The following LARGE1 variants were observed in gnomAD, a reference collection of about 807,000 sequenced individuals.
LARGE1 encodes LARGE xylosyl- and glucuronyltransferase 1.
In LARGE1, 43 loss-of-function variants were observed where a neutral mutation model predicts 87.6. That is an observed-to-expected ratio of 0.49 (90% CI 0.38 to 0.63). The LOEUF is 0.63. LARGE1 is among the 30% of genes least tolerant of loss of function. The pLI is 0.00. For missense variants in LARGE1, 802 were observed against 1,000.2 expected (o/e 0.80, Z 2.67); for synonymous variants, 434 against 394.6 (o/e 1.10, Z -1.18).
In LARGE1 at chr22:33,780,806, C is replaced by G. The variant is rs539479378; in HGVS notation, c.-82-19248G>C. 9.2e-5 allele frequency among the ~76,000 whole-genome samples: 14 copies of G among 152,274 alleles called. No homozygotes were observed. The South Asian group carries it at 2.7e-3, about 29-fold the overall frequency. On this transcript the variant is annotated intron_variant, in intron 1 of 14. Coordinates refer to ENST00000397394, the MANE Select transcript of LARGE1 (RefSeq NM_133642.5). ...GAACTTTTAGCTAATGTTCTTGCAG[C>G]CTTCAAAGTTACAGAGTAAGTCTCA...
chr22:33,910,505 C>T (rs1214408105), intron 1 of LARGE1, among the ~76,000 whole-genome samples: 2 of 152,140 alleles, frequency 1.3e-5, no homozygotes, highest in African/African-American at 2.4e-5. Context: ...GAATGCTACC[C>T]AACACACTGT....
At chr22:33,245,568 TA>T (rs1286457312) in intron 11 of LARGE1, among the ~76,000 whole-genome samples, 9 of 152,150 alleles carry the variant, frequency 5.9e-5, no homozygotes, top group Non-Finnish European at 1.0e-4. Context: ...CCTTACAGTT[TA>T]AAAAAATGCC....
intron 5 of LARGE1, among the ~76,000 whole-genome samples, chr22:33,569,248 T>C (rs1285763486): frequency 6.6e-6 from 1 of 152,200 alleles, no homozygotes; most frequent in African/African-American, 2.4e-5. Context: ...TTGGTTACCA[T>C]CAAAGCAGGA....
rs1054645815 is a variant in LARGE1, at chr22:33,761,504, C to T, written c.-28G>A. On this transcript the variant is annotated 5_prime_UTR_variant, in exon 2 of 15. It introduces an in-frame stop codon into an upstream open reading frame of the 5' UTR. Transcript: ENST00000397394. Reference sequence around the variant, plus strand: ...TCTCAGAAGTGGCAATCCCTAATCCCAGCGCCGTTTCTCTGTCCGGAGCAT... The same window carrying T: ...TCTCAGAAGTGGCAATCCCTAATCCTAGCGCCGTTTCTCTGTCCGGAGCAT... 2 of 1,566,764 alleles carry T rather than the reference C, an allele frequency of 1.3e-6. No individual in the cohort carries two copies. The highest frequency in any genetic ancestry group is 1.1e-5 in the South Asian group (1 of 90,144).
Position 33,540,036 on chromosome 22 carries a change from G to A in LARGE1, c.787+24812C>T, listed in dbSNP as rs192607780. ...CACCACTGGCAGTGGCCTGGTGCAC[G>A]GGGGCCAGTCCCTTTTACCCTGTGG... On this transcript the variant is annotated intron_variant, in intron 6 of 14. Transcript: ENST00000397394. 1.6e-3 allele frequency among the ~76,000 whole-genome samples: 237 copies of A among 152,238 alleles called. 1 individual carries two copies. The highest frequency in any genetic ancestry group is 5.2e-3 in the African/African-American group (216 of 41,538).
At chr22:33,894,902 C>T (rs1024281274) in intron 1 of LARGE1, among the ~76,000 whole-genome samples, 1 of 152,110 alleles carries the variant, frequency 6.6e-6, no homozygotes, top group African/African-American at 2.4e-5. Flanking sequence ...CACATGGGAG[C>T]CAGTCCCGGA....
At chr22:33,832,091 T>C (rs1471909365) in intron 1 of LARGE1, among the ~76,000 whole-genome samples, 1 of 152,210 alleles carries the variant, frequency 6.6e-6, no homozygotes, top group Admixed American at 6.5e-5. Flanking sequence ...TGGAAGCCTC[T>C]AGTCAGTGGC....
chr22:33,493,333 G>C (rs1445961088), intron 6 of LARGE1, among the ~76,000 whole-genome samples: 1 of 151,784 alleles, frequency 6.6e-6, no homozygotes, highest in Non-Finnish European at 1.5e-5. Context: ...GCTAATTTTT[G>C]TATTTTTAGT....
At chr22:33,421,153 C>T (rs138219743) in intron 7 of LARGE1, among the ~76,000 whole-genome samples, 99 of 152,170 alleles carry the variant, frequency 6.5e-4, no homozygotes, top group African/African-American at 2.2e-3. Flanking sequence ...CACGCCACTG[C>T]ACTCCAGCCT....
At chr22:33,618,731 G>A (rs1045510543) in intron 4 of LARGE1, among the ~76,000 whole-genome samples, 4 of 152,312 alleles carry the variant, frequency 2.6e-5, no homozygotes, top group African/African-American at 9.6e-5. Flanking sequence ...TGCCTAGGCA[G>A]AAAGGAACAG....
intron 7 of LARGE1, among the ~76,000 whole-genome samples, chr22:33,425,029 G>A (rs1366438952): frequency 6.6e-6 from 1 of 151,844 alleles, no homozygotes; most frequent in Non-Finnish European, 1.5e-5. Context: ...TTTGGGAGGT[G>A]GAAACGGGTG....
At chr22:33,077,059 G>A in the LARGE1 span, among the ~76,000 whole-genome samples, 1 of 152,114 alleles carries the variant, frequency 6.6e-6, no homozygotes, top group Non-Finnish European at 1.5e-5. Context: ...TTGCTATGAG[G>A]ATCAAAAGAG....
At chr22:33,712,684 G>C (rs986931372) in intron 2 of LARGE1, among the ~76,000 whole-genome samples, 2 of 131,924 alleles carry the variant, frequency 1.5e-5, no homozygotes, top group Non-Finnish European at 1.7e-5. Context: ...GTGTGTGTGT[G>C]TCTGCATGTG....
chr22:33,279,692 C>T lies in LARGE1; in HGVS notation c.1878-2437G>A, dbSNP rs115180029. Among the ~76,000 whole-genome samples, 908 of 152,282 alleles carry T rather than the reference C, an allele frequency of 6.0e-3. 9 individuals carry two copies. Among genetic ancestry groups the T allele is most frequent in the African/African-American group, 0.019 (792 of 41,550 alleles). ...AGAAAAATGAAAGGTGAAGCAATGC[C>T]ATTTTCATGGAGTGTGGAAAAGGGA... is the stretch of plus-strand genomic sequence containing the variant. On this transcript the variant is annotated intron_variant, in intron 13 of 14. Coordinates refer to ENST00000397394, the MANE Select transcript of LARGE1 (RefSeq NM_133642.5).
chr22:33,920,966 CCGCG>C (rs1348660370), upstream of LARGE1, among the ~76,000 whole-genome samples: 1 of 149,422 alleles, frequency 6.7e-6, no homozygotes, highest in Non-Finnish European at 1.5e-5. Flanking sequence ...CCCGCCGCCT[CCGCG>C]TGCCCAGAGC....
At chr22:33,596,657 C>A (rs2148943908) in intron 5 of LARGE1, among the ~76,000 whole-genome samples, 1 of 152,202 alleles carries the variant, frequency 6.6e-6, no homozygotes, top group Admixed American at 6.5e-5. Flanking sequence ...GACAGGTCGG[C>A]AGTCATTGTT....
intron 11 of LARGE1, among the ~76,000 whole-genome samples, chr22:33,313,681 G>C (rs982781508): frequency 6.6e-6 from 1 of 152,176 alleles, no homozygotes; most frequent in Admixed American, 6.5e-5. Flanking sequence ...AGCTGAGGGG[G>C]ACACCCATCA....
intron 3 of LARGE1, among the ~76,000 whole-genome samples, chr22:33,647,006 G>A (rs2080638378): frequency 6.6e-6 from 1 of 152,228 alleles, no homozygotes; most frequent in African/African-American, 2.4e-5. Flanking sequence ...TGGGATTATA[G>A]GCGTGAGCCA....
At chr22:33,455,613 G>T (rs373878740) in intron 6 of LARGE1, among the ~76,000 whole-genome samples, 1 of 151,890 alleles carries the variant, frequency 6.6e-6, no homozygotes, top group Non-Finnish European at 1.5e-5. Context: ...AATTAGCCGG[G>T]CATGGTGGTG....
Sources: gnomAD v4.1 joint callset for allele counts (sites outside exome capture counted in the v4.1 genomes callset) on GRCh38, gnomAD v4.1.1 for gene constraint, MANE v1.5 for transcripts, NCBI Gene and HGNC (gene_info 2026-07-23, HGNC 2026-07-21) for gene names.